SPINT2: variants seen among roughly 807,000 people sequenced by gnomAD.
SPINT2 encodes kunitz-type protease inhibitor 2.
SPINT2 carries 18 observed loss-of-function variants against 30.1 expected under a neutral mutation model. The observed-to-expected ratio is 0.60, with a 90% CI of 0.41 to 0.89. SPINT2 has a LOEUF of 0.89. SPINT2 is among the 40% of genes least tolerant of loss of function. SPINT2 has a pLI of 0.00. For missense variants in SPINT2, 276 were observed against 334.3 expected (o/e 0.83, Z 1.36); for synonymous variants, 139 against 137.9 (o/e 1.01, Z -0.05).
In SPINT2 at chr19:38,290,736, C is replaced by A; in HGVS notation, c.592+161C>A. The A allele has an allele frequency of 1.9e-6, 2 of 1,046,158 alleles. No homozygotes were observed. Among genetic ancestry groups the A allele is most frequent in the Non-Finnish European group, 2.8e-6 (2 of 705,278 alleles). The allele number at this position is 1,046,158 out of a possible 1,614,324, so 64.8% of individuals were successfully genotyped here. ...GAGAATGGCGAGGTGGTGGTTTGTC[C>A]CACCGTTCAGTGTACACAGTTGGGG... On this transcript the variant is annotated intron_variant, in intron 6 of 6. Coordinates refer to ENST00000301244, the MANE Select transcript of SPINT2 (RefSeq NM_021102.4). The surrounding 1 kb of genome is among the most constrained non-coding windows in gnomAD (Gnocchi z 4.3).
rs1600352662 is a variant in SPINT2, at chr19:38,290,493, A to G, written c.554-44A>G. 1 of 1,613,866 alleles carries G rather than the reference A, an allele frequency of 6.2e-7. No individual in the cohort carries two copies. On this transcript the variant is annotated intron_variant, in intron 5 of 6. Transcript: ENST00000301244. This position sits in a 1 kb window ranked among gnomAD's most constrained non-coding sequence, Gnocchi z 4.3. The stretch of plus-strand genomic sequence containing the variant: ...GGGATCCCCTGCGGCAGCTCTGTGG[A>G]ATGGGGGCTGTGAGCTGACCTCAGG...
chr19:38,290,153 C>T lies in SPINT2; in HGVS notation c.426C>T (p.Cys142=), dbSNP rs1968698464. ...CCGCCAACGCAGTCACTGGGCCTTGCCGTGCATCCTTCCCACGCTGGTACT... is the reference window on the plus strand; with the variant it reads ...CCGCCAACGCAGTCACTGGGCCTTGTCGTGCATCCTTCCCACGCTGGTACT... The part of the protein sequence containing the change: ...YCTANAVTGP[C]RASFPRWYFD... Residue 142 remains cysteine, a synonymous_variant, in exon 5 of 7, where the codon TGC becomes TGT. Transcript: ENST00000301244. The surrounding 1 kb of genome is among the most constrained non-coding windows in gnomAD (Gnocchi z 4.3). 1.2e-6 allele frequency: 2 copies of T among 1,612,648 alleles called. No individual in the cohort carries two copies. The highest frequency in any genetic ancestry group is 2.1e-4 in the Middle Eastern group (1 of 4,756).
intron 1 of SPINT2, among the ~76,000 whole-genome samples, chr19:38,266,813 GGA>G (rs1254005647): frequency 6.6e-6 from 1 of 152,200 alleles, no homozygotes; most frequent in African/African-American, 2.4e-5. Context: ...TAGGTGACTG[GGA>G]GTCAGGAATG....
intron 2 of SPINT2, among the ~76,000 whole-genome samples, chr19:38,284,077 G>A (rs1450705834): frequency 6.6e-6 from 1 of 152,000 alleles, no homozygotes; most frequent in African/African-American, 2.4e-5. Flanking sequence ...TCCTGATCTT[G>A]TGATCTGCCT....
In SPINT2 at chr19:38,288,506, C is replaced by T. The variant is rs916416693; in HGVS notation, c.337+571C>T. 5 of 207,264 alleles carry T rather than the reference C, an allele frequency of 2.4e-5. No homozygotes were observed. The East Asian group carries it at 3.4e-4, about 14-fold the overall frequency. 12.8% of individuals were successfully genotyped at this position (207,264 alleles called of 1,614,324 possible). ...ATCGGGCGCCTGGGGTGAGTGGTCC[C>T]GATGCACTACCAGGTAGCAAATGCA... On this transcript the variant is annotated intron_variant, in intron 3 of 6. Transcript: ENST00000301244.
chr19:38,266,977 A>G (rs1466182106), intron 1 of SPINT2, among the ~76,000 whole-genome samples: 3 of 151,954 alleles, frequency 2.0e-5, no homozygotes, highest in African/African-American at 2.4e-5. Flanking sequence ...GCCTCTTGCT[A>G]CCTCTGGTGC....
intron 6 of SPINT2, chr19:38,291,361 C>T (rs958496037): frequency 1.8e-5 from 3 of 166,890 alleles, no homozygotes; most frequent in Non-Finnish European, 3.9e-5. Context: ...CCCTCGCTTC[C>T]ACCCTGACTT....
At position 38,287,842 on chromosome 19, in the gene SPINT2, T is replaced by A. The variant is rs771033858; in HGVS notation, c.278-34T>A. On this transcript the variant is annotated intron_variant, in intron 2 of 6. Coordinates refer to ENST00000301244, the MANE Select transcript of SPINT2 (RefSeq NM_021102.4). Reference sequence around the variant, plus strand: ...TTGTCCCTGGCAGTCTCTCGAAAGCTCTTTCACTGTGCTGTTTCTTTGTCC... The same window carrying A: ...TTGTCCCTGGCAGTCTCTCGAAAGCACTTTCACTGTGCTGTTTCTTTGTCC... The A allele has an allele frequency of 4.3e-6, 7 of 1,613,546 alleles. No individual in the cohort carries two copies. In the South Asian group the frequency reaches 6.6e-5, roughly 15 times the overall value.
intron 1 of SPINT2, among the ~76,000 whole-genome samples, chr19:38,281,769 C>T (rs1025989896): frequency 6.6e-6 from 1 of 152,060 alleles, no homozygotes; most frequent in Non-Finnish European, 1.5e-5. Context: ...AGGATTTTAG[C>T]ACCTTCTACA....
intron 1 of SPINT2, among the ~76,000 whole-genome samples, chr19:38,269,217 C>G (rs899400080): frequency 6.6e-6 from 1 of 151,984 alleles, no homozygotes; most frequent in Non-Finnish European, 1.5e-5. Context: ...CCTGCTTCAG[C>G]CTCCTGAGTA....
At chr19:38,268,850 TCTTTTC>T (rs973282236) in intron 1 of SPINT2, among the ~76,000 whole-genome samples, 2 of 152,120 alleles carry the variant, frequency 1.3e-5, no homozygotes, top group Non-Finnish European at 2.9e-5. Context: ...AGGATTTTTT[TCTTTTC>T]CTTTTCCCCA....
At chr19:38,283,159 G>T (rs528413093) in intron 1 of SPINT2, among the ~76,000 whole-genome samples, 1 of 150,816 alleles carries the variant, frequency 6.6e-6, no homozygotes, top group African/African-American at 2.4e-5. Context: ...TAAAAGTTCA[G>T]AAAAAAAAAG....
At chr19:38,282,073 T>A (rs1469114351) in intron 1 of SPINT2, among the ~76,000 whole-genome samples, 1 of 152,204 alleles carries the variant, frequency 6.6e-6, no homozygotes, top group East Asian at 1.9e-4. Context: ...TGATCTATTG[T>A]GTGGGTGGGA....
rs759555989 is a variant in SPINT2 at position 38,271,489 on chromosome 19, C to CA, written c.106+6505dup. On this transcript the variant is annotated intron_variant, in intron 1 of 6. Coordinates refer to ENST00000301244, the MANE Select transcript of SPINT2 (RefSeq NM_021102.4). ...CCTGGGCAACAGAGCAAGACTCTCT[C>CA]AAAAAAAAAAAAAATGTTATGCTAA... Among the ~76,000 whole-genome samples, 1,231 of 133,164 alleles carry CA rather than the reference C, an allele frequency of 9.2e-3. 13 individuals carry two copies. The highest frequency in any genetic ancestry group is 0.023 in the African/African-American group (848 of 36,108). 87.4% of individuals were successfully genotyped at this position (133,164 alleles called of 152,430 possible).
chr19:38,283,657 G>A lies in SPINT2; in HGVS notation c.137G>A (p.Arg46Lys). The A allele has an allele frequency of 2.5e-6, 4 of 1,614,092 alleles. No homozygotes were observed. Among genetic ancestry groups the A allele is most frequent in the African/African-American group, 1.3e-5 (1 of 75,010 alleles). Residue 46 changes from arginine (R) to lysine (K), a missense_variant, in exon 2 of 7, where the codon AGA (arginine) becomes AAA (lysine). Physicochemically the swap from Arg to Lys is conservative, Grantham distance 26. Coordinates refer to ENST00000301244, the MANE Select transcript of SPINT2 (RefSeq NM_021102.4). ...DFCLVSKVVG[R>K]CRASMPRWWY... ...TGCCTGGTGTCGAAGGTGGTGGGCAGATGCCGGGCCTCCATGCCTAGGTGG... is the reference window on the plus strand; with the variant it reads ...TGCCTGGTGTCGAAGGTGGTGGGCAAATGCCGGGCCTCCATGCCTAGGTGG...
chr19:38,292,014 G>T lies in SPINT2; in HGVS notation c.*8G>T. On this transcript the variant is annotated 3_prime_UTR_variant, in exon 7 of 7. Coordinates refer to ENST00000301244, the MANE Select transcript of SPINT2 (RefSeq NM_021102.4). ...AACACATATGTCCTGTGACCGCCCT[G>T]TCGCCAAGAGGACTGGGGAAGGGAG... 1 of 1,613,890 alleles carries T rather than the reference G, an allele frequency of 6.2e-7. No individual in the cohort carries two copies.
intron 1 of SPINT2, among the ~76,000 whole-genome samples, chr19:38,281,795 T>C (rs1968584137): frequency 6.6e-6 from 1 of 152,172 alleles, no homozygotes; most frequent in African/African-American, 2.4e-5. Context: ...GTGCAGCTAT[T>C]GCCACAATCC....
chr19:38,276,265 G>A (rs1361487511), intron 1 of SPINT2, among the ~76,000 whole-genome samples: 1 of 152,200 alleles, frequency 6.6e-6, no homozygotes, highest in Non-Finnish European at 1.5e-5. Flanking sequence ...GAGGCAAGAA[G>A]CTCTTGTGCC....
chr19:38,276,400 C>T (rs1600339036), intron 1 of SPINT2, among the ~76,000 whole-genome samples: 1 of 151,980 alleles, frequency 6.6e-6, no homozygotes, highest in African/African-American at 2.4e-5. Flanking sequence ...CCCAGCACTT[C>T]GGGAGGCCGA....
Sources: allele counts gnomAD v4.1 joint callset (sites outside exome capture counted in the v4.1 genomes callset), GRCh38; gene constraint gnomAD v4.1.1; non-coding constraint Gnocchi (gnomAD v3.1); transcripts MANE v1.5; gene names NCBI Gene and HGNC (gene_info 2026-07-23, HGNC 2026-07-21).